Variants in GPR153 observed in about 807,000 individuals in gnomAD.
GPR153 encodes G protein-coupled receptor 153, also known as probable G protein-coupled receptor 153.
Under a neutral mutation model 34.1 loss-of-function variants are expected in GPR153, and 27 were observed. That is an observed-to-expected ratio of 0.79 (90% CI 0.58 to 1.09). The LOEUF is 1.09. GPR153 is among the 50% of genes least tolerant of loss of function. GPR153 has a pLI of 0.00. For synonymous variants in GPR153, 408 were observed against 405.4 expected (o/e 1.01, Z -0.08); for missense variants, 848 against 860.2 (o/e 0.99, Z 0.18).
Position 6,250,644 on chromosome 1 carries a change from T to A in GPR153, c.980-20A>T, listed in dbSNP as rs765905163. 6.1e-3 allele frequency: 246 copies of A among 40,140 alleles called. 2 individuals are homozygous for A. The highest frequency in any genetic ancestry group is 0.03 in the African/African-American group (233 of 7,700). The allele number at this position is 40,140 out of a possible 1,614,324, so 2.5% of individuals were successfully genotyped here. On this transcript the variant is annotated intron_variant, in intron 4 of 5. Transcript: ENST00000377893. ...TGGTCTCTGTAGGGTGGGGGGTGGGTGGGGGGGCAGAGCCTTAGGGTCATG... is the reference window on the plus strand; with the variant it reads ...TGGTCTCTGTAGGGTGGGGGGTGGGAGGGGGGGCAGAGCCTTAGGGTCATG...
In GPR153 at chr1:6,253,917, A is replaced by C; in HGVS notation, c.587T>G (p.Phe196Cys). Residue 196 changes from phenylalanine to cysteine, a missense_variant, in exon 3 of 6, where the codon TTC becomes TGC. Transcript: ENST00000377893. ...MGVICTAIAL[F>C]QTLAVQVGRQ... ...CCCCACCTGCACGGCCAGCGTCTGG[A>C]AGAGGGCGATGGCTGTGCAGATCAC... is the stretch of plus-strand genomic sequence containing the variant. 8.1e-6 allele frequency: 13 copies of C among 1,610,630 alleles called. No homozygotes were observed. Among genetic ancestry groups the C allele is most frequent in the Non-Finnish European group, 1.1e-5 (13 of 1,178,930 alleles).
At chr1:6,252,769 C>T (rs1638476249) in intron 3 of GPR153, among the ~76,000 whole-genome samples, 1 of 152,180 alleles carries the variant, frequency 6.6e-6, no homozygotes, top group South Asian at 2.1e-4. Flanking sequence ...GCGTAGAGTC[C>T]TGCAGGGGGC....
intron 1 of GPR153, among the ~76,000 whole-genome samples, chr1:6,259,124 A>G (rs1638621473): frequency 6.6e-6 from 1 of 152,192 alleles, no homozygotes; most frequent in African/African-American, 2.4e-5. Flanking sequence ...GGCCAGGCGT[A>G]GTGGTGTGAG....
chr1:6,259,407 G>A (rs571601312), intron 1 of GPR153, among the ~76,000 whole-genome samples: 24 of 152,210 alleles, frequency 1.6e-4, no homozygotes, highest in African/African-American at 4.1e-4. Flanking sequence ...TGTTTGCCCG[G>A]CCAGCACTTG....
In GPR153 at chr1:6,258,808, T is replaced by C. The variant is rs1417057759; in HGVS notation, c.-110+2017A>G. ...TCTGTCTAGCCCCGTGAACAAGCTC[T>C]GTCTAGCCCCGTGACCTTGGCCCCG... On this transcript the variant is annotated intron_variant, in intron 1 of 5. Coordinates refer to ENST00000377893, the MANE Select transcript of GPR153 (RefSeq NM_207370.4). 2.0e-5 allele frequency among the ~76,000 whole-genome samples: 3 copies of C among 150,294 alleles called. 1 individual carries two copies. The highest frequency in any genetic ancestry group is 1.3e-4 in the Admixed American group (2 of 15,208).
chr1:6,252,290 G>A (rs1638464168), intron 3 of GPR153, among the ~76,000 whole-genome samples: 1 of 152,206 alleles, frequency 6.6e-6, no homozygotes, highest in South Asian at 2.1e-4. Flanking sequence ...CCATGCTCTA[G>A]AGGGTGAAGA....
chr1:6,255,643 T>TTTTTTG, intron 1 of GPR153, among the ~76,000 whole-genome samples: 1 of 11,882 alleles, frequency 8.4e-5, no homozygotes, highest in African/African-American at 2.4e-4. Flanking sequence ...CCTGGCTACG[T>TTTTTTG]TTTTTTTTTT....
intron 1 of GPR153, among the ~76,000 whole-genome samples, chr1:6,256,788 C>T (rs957736149): frequency 3.3e-5 from 5 of 152,240 alleles, no homozygotes; most frequent in African/African-American, 1.2e-4. Flanking sequence ...AGGGCAAGTG[C>T]TCCCACACCC....
At position 6,249,835 on chromosome 1, in the gene GPR153, C is replaced by G. The variant is rs1441827997; in HGVS notation, c.1333G>C (p.Glu445Gln). ...CGCGCGCGGGACGGTGGTGCGTCCT[C>G]CGCGAAGGCCAGGAGGCTGGCGCGG... Reference protein sequence around the residue: ...RRRASLLAFAEDAPPSRARRR... With the variant: ...RRRASLLAFAQDAPPSRARRR... Residue 445 changes from glutamate (E) to glutamine (Q), a missense_variant, in exon 6 of 6, where the codon GAG (glutamate) becomes CAG (glutamine). Transcript: ENST00000377893. The surrounding 1 kb of genome is among the most constrained non-coding windows in gnomAD (Gnocchi z 4.3). 8.1e-7 allele frequency: 1 copy of G among 1,235,080 alleles called. No individual in the cohort carries two copies. The highest frequency in any genetic ancestry group is 1.6e-5 in the African/African-American group (1 of 63,336). 76.5% of individuals were successfully genotyped at this position (1,235,080 alleles called of 1,614,324 possible).
intron 2 of GPR153, 29 bp from the exon 3 acceptor site, chr1:6,254,176 A>T: frequency 6.3e-7 from 1 of 1,579,580 alleles, no homozygotes; most frequent in South Asian, 1.2e-5. Flanking sequence ...GAACAGAGGG[A>T]TCTGGCGTCA....
rs74049514 is a variant in GPR153 at position 6,248,717 on chromosome 1, G to C, written c.*621C>G. ...CTCAGTGGCGAGGGCCTACAACCAAGAGACTTCAAACAGCCCTGAGAGTTA... is the reference window on the plus strand; with the variant it reads ...CTCAGTGGCGAGGGCCTACAACCAACAGACTTCAAACAGCCCTGAGAGTTA... On this transcript the variant is annotated 3_prime_UTR_variant, in exon 6 of 6. Transcript: ENST00000377893. 1 of 152,362 alleles carries C rather than the reference G, an allele frequency of 6.6e-6. No homozygotes were observed. Among genetic ancestry groups the C allele is most frequent in the African/African-American group, 2.4e-5 (1 of 41,448 alleles). 9.4% of individuals were successfully genotyped at this position (152,362 alleles called of 1,614,324 possible).
At chr1:6,257,699 C>T (rs1638594818) in intron 1 of GPR153, among the ~76,000 whole-genome samples, 1 of 152,230 alleles carries the variant, frequency 6.6e-6, no homozygotes, top group African/African-American at 2.4e-5. Context: ...AGAGGAAGTG[C>T]CGATGGCCTT....
rs1638392924 is a variant in GPR153, at chr1:6,249,698, G to T, written c.1470C>A (p.Gly490=). ...GCAGCGAGGCCGAGGCGGAGCGGGGGCCGGGCCCGGGGCGGCGGCGCGGGC... is the reference window on the plus strand; with the variant it reads ...GCAGCGAGGCCGAGGCGGAGCGGGGTCCGGGCCCGGGGCGGCGGCGCGGGC... ...PGSPRRRPGP[G]PRSASASLLP... is the part of the protein sequence containing the mutation. The change falls in exon 6 of 6, where the codon GGC becomes GGA. Residue 490 remains glycine (G), a synonymous_variant. Coordinates refer to ENST00000377893, the MANE Select transcript of GPR153 (RefSeq NM_207370.4). This position sits in a 1 kb window ranked among gnomAD's most constrained non-coding sequence, Gnocchi z 4.3. 5 of 1,039,756 alleles carry T rather than the reference G, an allele frequency of 4.8e-6. No individual in the cohort carries two copies. In the South Asian group the frequency reaches 1.8e-4, roughly 37 times the overall value. 64.4% of individuals were successfully genotyped at this position (1,039,756 alleles called of 1,614,324 possible). A position where few individuals can be genotyped will look rare whatever the true frequency, so the allele number is the denominator to read the frequency against.
intron 1 of GPR153, among the ~76,000 whole-genome samples, chr1:6,258,911 G>C (rs555257313): frequency 6.6e-6 from 1 of 152,322 alleles, no homozygotes; most frequent in African/African-American, 2.4e-5. Flanking sequence ...CCAGCCCTTC[G>C]CGGTGCCAGT....
rs1158371007 is a variant in GPR153 at position 6,247,548 on chromosome 1, C to T, written c.*1790G>A. Reference sequence around the variant, plus strand: ...CCCAGGGTCCTCCACTTGGGGTCTCCCCCTTTATGTTTGTAAAAACCGCAG... The same window carrying T: ...CCCAGGGTCCTCCACTTGGGGTCTCTCCCTTTATGTTTGTAAAAACCGCAG... On this transcript the variant is annotated 3_prime_UTR_variant, in exon 6 of 6. Coordinates refer to ENST00000377893, the MANE Select transcript of GPR153 (RefSeq NM_207370.4). 6.6e-6 allele frequency: 1 copy of T among 152,252 alleles called. No individual in the cohort carries two copies. The highest frequency in any genetic ancestry group is 1.5e-5 in the Non-Finnish European group (1 of 68,064). The allele number at this position is 152,252 out of a possible 1,614,324, so 9.4% of individuals were successfully genotyped here.
Position 6,248,989 on chromosome 1 carries a change from G to T in GPR153, c.*349C>A, listed in dbSNP as rs948316949. ...CCGATCCCGCAGTGGCCCTGTCTCA[G>T]GTTCCCTGCTCCCGACGTCCTGTTG... On this transcript the variant is annotated 3_prime_UTR_variant, in exon 6 of 6. Coordinates refer to ENST00000377893, the MANE Select transcript of GPR153 (RefSeq NM_207370.4). The T allele has an allele frequency of 3.0e-4, 60 of 202,724 alleles. No homozygotes were observed. Among genetic ancestry groups the T allele is most frequent in the African/African-American group, 1.4e-3 (60 of 43,426 alleles). 12.6% of individuals were successfully genotyped at this position (202,724 alleles called of 1,614,324 possible).
intron 2 of GPR153, 87 bp downstream of exon 2, chr1:6,254,462 AC>A: frequency 8.2e-7 from 1 of 1,212,310 alleles, no homozygotes; most frequent in South Asian, 1.5e-5. Flanking sequence ...AGGTGTGGCC[AC>A]TCCTGTGTGC....
Position 6,249,472 on chromosome 1 carries a change from TC to T in GPR153, c.1695del (p.Ser566AlafsTer23). The T allele has an allele frequency of 7.6e-7, 1 of 1,320,646 alleles. No individual in the cohort carries two copies. Among genetic ancestry groups the T allele is most frequent in the Non-Finnish European group, 9.6e-7 (1 of 1,041,800 alleles). The allele number at this position is 1,320,646 out of a possible 1,614,324, so 81.8% of individuals were successfully genotyped here. A position where few individuals can be genotyped will look rare whatever the true frequency, so the allele number is the denominator to read the frequency against. Reference protein sequence around the residue: ...HSHAGSLRPGLSASWGEPGGL... With the variant: ...HSHAGSLRPGXSASWGEPGGL... ...CCCCCGGGCTCGCCCCACGACGCGC[TC>T]AGGCCGGGGCGCAGAGAGCCGGCGT... is the stretch of plus-strand genomic sequence containing the variant. On this transcript the variant is annotated frameshift_variant, in exon 6 of 6. Coordinates refer to ENST00000377893, the MANE Select transcript of GPR153 (RefSeq NM_207370.4). LOFTEE classifies it high-confidence loss of function. This position sits in a 1 kb window ranked among gnomAD's most constrained non-coding sequence, Gnocchi z 4.3.
At position 6,254,147 on chromosome 1, in the gene GPR153, C is replaced by G. The variant is rs1048583046; in HGVS notation, c.357G>C (p.Arg119=). ...CCGCCTGCTTCTTGGCATTGCTCAGCCTGGCATGAGGCAGGGTGGAACAGA... is the reference window on the plus strand; with the variant it reads ...CCGCCTGCTTCTTGGCATTGCTCAGGCTGGCATGAGGCAGGGTGGAACAGA... ...MWMVCWPVNY[R]LSNAKKQAVH... Residue 119 remains arginine (R), a splice_region_variant and synonymous_variant, in exon 3 of 6, where the codon CGG becomes CGC. Transcript: ENST00000377893. 68 of 1,603,898 alleles carry G rather than the reference C, an allele frequency of 4.2e-5. No individual in the cohort carries two copies. Among genetic ancestry groups the G allele is most frequent in the Non-Finnish European group, 5.7e-5 (67 of 1,172,900 alleles).
Sources: gnomAD v4.1 joint callset for allele counts (sites outside exome capture counted in the v4.1 genomes callset) on GRCh38, gnomAD v4.1.1 for gene constraint, Gnocchi (gnomAD v3.1) non-coding constraint, MANE v1.5 for transcripts, NCBI Gene and HGNC (gene_info 2026-07-23, HGNC 2026-07-21) for gene names.